The following NR2C2 variants were observed in gnomAD, a reference collection of about 807,000 sequenced individuals.
The protein encoded by NR2C2 is nuclear receptor subfamily 2 group C member 2.
NR2C2 carries 6 observed loss-of-function variants against 62.9 expected under a neutral mutation model. The ratio of observed to expected loss-of-function variants is 0.10; its 90% CI spans 0.05 to 0.19. NR2C2 has a LOEUF of 0.19. Ranked by LOEUF, NR2C2 falls within the 10% of genes least tolerant of loss-of-function variation. NR2C2 has a pLI of 1.00. For synonymous variants in NR2C2, 272 were observed against 273.8 expected (o/e 0.99, Z 0.07); for missense variants, 479 against 762.7 (o/e 0.63, Z 4.38).
At position 15,046,980 on chromosome 3, in the gene NR2C2, C is replaced by A. The variant is rs2042476654; in HGVS notation, c.*3972C>A. The A allele has an allele frequency of 6.6e-6, 1 of 152,660 alleles. No homozygotes were observed. The highest frequency in any genetic ancestry group is 6.5e-5 in the Admixed American group (1 of 15,282). 9.5% of individuals were successfully genotyped at this position (152,660 alleles called of 1,614,324 possible). ...ATTGTGTGCCTCCCACCAGCGTGCA[C>A]TTCGTATGTCCAGCCCTGGGTCCCT... On this transcript the variant is annotated 3_prime_UTR_variant, in exon 14 of 14. Transcript: ENST00000425241.
chr3:14,948,681 G>C (rs929118615), intron 1 of NR2C2: 1 of 152,756 alleles, frequency 6.5e-6, no homozygotes, highest in Admixed American at 6.5e-5. Context: ...GCTTCCCTCC[G>C]CCTGGAACGC....
At chr3:14,950,260 G>C (rs185677402) in intron 1 of NR2C2, among the ~76,000 whole-genome samples, 184 of 152,004 alleles carry the variant, frequency 1.2e-3, no homozygotes, top group South Asian at 1.7e-3. Context: ...ATGGCATCCA[G>C]GACAAAAGTT....
intron 1 of NR2C2, among the ~76,000 whole-genome samples, chr3:15,003,569 C>T (rs990555096): frequency 6.6e-6 from 1 of 152,188 alleles, no homozygotes; most frequent in Non-Finnish European, 1.5e-5. Context: ...ATTCAAAGAT[C>T]ATCTTTAAAA....
At chr3:14,999,702 T>A (rs1476064134) in intron 1 of NR2C2, among the ~76,000 whole-genome samples, 1 of 152,074 alleles carries the variant, frequency 6.6e-6, no homozygotes, top group Non-Finnish European at 1.5e-5. Flanking sequence ...AAGGTAGGTG[T>A]CCAGATTTGT....
At chr3:15,017,210 T>G (rs1407910909) in intron 4 of NR2C2, among the ~76,000 whole-genome samples, 2 of 152,146 alleles carry the variant, frequency 1.3e-5, no homozygotes, top group Non-Finnish European at 2.9e-5. Flanking sequence ...CAGTTTCCCT[T>G]CCATGCTGGT....
intron 9 of NR2C2, 27 bp from the exon 10 acceptor site, chr3:15,032,352 C>T (rs1447045030): frequency 2.5e-6 from 4 of 1,614,076 alleles, no homozygotes; most frequent in Non-Finnish European, 2.5e-6. Context: ...CCTTCACCTC[C>T]TGTGCCATGT....
At position 15,043,252 on chromosome 3, in the gene NR2C2, A is replaced by G. The variant is rs2042333708; in HGVS notation, c.*244A>G. ...AGATTTTGGAACAATCTTTTAACTC[A>G]ATTTGTATTTAGAAATTCTCAAAGG... is the stretch of plus-strand genomic sequence containing the variant. On this transcript the variant is annotated 3_prime_UTR_variant, in exon 14 of 14. Transcript: ENST00000425241. 3.0e-6 allele frequency: 1 copy of G among 334,398 alleles called. No individual in the cohort carries two copies. Among genetic ancestry groups the G allele is most frequent in the African/African-American group, 2.1e-5 (1 of 47,096 alleles). The allele number at this position is 334,398 out of a possible 1,614,324, so 20.7% of individuals were successfully genotyped here.
intron 2 of NR2C2, chr3:15,004,418 A>C: frequency 2.7e-6 from 2 of 748,454 alleles, no homozygotes; most frequent in Non-Finnish European, 4.0e-6. Flanking sequence ...ATGAAGAATC[A>C]AAGGGATATT....
At position 14,992,920 on chromosome 3, in the gene NR2C2, G is replaced by T. The variant is rs117893099; in HGVS notation, c.-39-10956G>T. ...CTAACCAAGGTATAACACACACCTG[G>T]GTGTTGTCAGGCATTTATACAGTGT... On this transcript the variant is annotated intron_variant, in intron 1 of 13. Transcript: ENST00000425241. Among the ~76,000 whole-genome samples, 255 of 152,262 alleles carry T rather than the reference G, an allele frequency of 1.7e-3. 7 individuals are homozygous for T. The East Asian group carries it at 0.046, about 28-fold the overall frequency.
At chr3:14,953,146 C>T (rs2039418251) in intron 1 of NR2C2, among the ~76,000 whole-genome samples, 2 of 151,232 alleles carry the variant, frequency 1.3e-5, no homozygotes, top group South Asian at 2.1e-4. Context: ...TCCAGTTGGC[C>T]TGTAATGATG....
intron 8 of NR2C2, among the ~76,000 whole-genome samples, chr3:15,030,017 G>A (rs1466279165): frequency 6.6e-6 from 1 of 152,114 alleles, no homozygotes; most frequent in Admixed American, 6.5e-5. Flanking sequence ...ATGATGTGTA[G>A]ATAATACATA....
At chr3:14,969,937 G>A (rs1287636657) in intron 1 of NR2C2, among the ~76,000 whole-genome samples, 1 of 152,172 alleles carries the variant, frequency 6.6e-6, no homozygotes, top group African/African-American at 2.4e-5. Context: ...GTGTCCTCAA[G>A]GAGGGAAAAG....
rs573162844 is a variant in NR2C2 at position 14,949,216 on chromosome 3, A to G, written c.-40+1310A>G. ...AATAGACAAATAATTCCAGAGAGTC[A>G]TAAGTTCTGTGAAAGAAAAGAAGCC... On this transcript the variant is annotated intron_variant, in intron 1 of 13. Coordinates refer to ENST00000425241, the MANE Select transcript of NR2C2 (RefSeq NM_001291694.2). Among the ~76,000 whole-genome samples, 6 of 152,360 alleles carry G rather than the reference A, an allele frequency of 3.9e-5. 1 individual carries two copies. The highest frequency in any genetic ancestry group is 9.6e-5 in the African/African-American group (4 of 41,580).
intron 1 of NR2C2, among the ~76,000 whole-genome samples, chr3:14,951,754 G>GT (rs146614442): frequency 0.041 from 6,178 of 150,396 alleles, 435 homozygotes; most frequent in African/African-American, 0.14. Context: ...TTTTTTGTGT[G>GT]TTTTTTTTTG....
intron 5 of NR2C2, among the ~76,000 whole-genome samples, chr3:15,021,217 TC>T (rs944449623): frequency 5.3e-5 from 8 of 152,122 alleles, no homozygotes; most frequent in African/African-American, 1.7e-4. Context: ...TGATACCAAA[TC>T]TACCTCCAGG....
chr3:14,992,582 G>A (rs1239489290), intron 1 of NR2C2, among the ~76,000 whole-genome samples: 1 of 152,210 alleles, frequency 6.6e-6, no homozygotes, highest in Non-Finnish European at 1.5e-5. Flanking sequence ...GTTCTGTGGA[G>A]AGTACTAAGG....
At chr3:14,992,164 A>T (rs1449004667) in intron 1 of NR2C2, among the ~76,000 whole-genome samples, 1 of 152,126 alleles carries the variant, frequency 6.6e-6, no homozygotes, top group African/African-American at 2.4e-5. Flanking sequence ...TTCCTTATAA[A>T]ACAAACAAAC....
chr3:15,016,767 G>C (rs773817541), intron 4 of NR2C2, among the ~76,000 whole-genome samples: 5 of 152,174 alleles, frequency 3.3e-5, no homozygotes, highest in Non-Finnish European at 5.9e-5. Context: ...GTACATGTTG[G>C]TTGGAGCAGG....
At chr3:14,977,724 G>A (rs2040246825) in intron 1 of NR2C2, among the ~76,000 whole-genome samples, 1 of 152,028 alleles carries the variant, frequency 6.6e-6, no homozygotes, top group African/African-American at 2.4e-5. Flanking sequence ...TAGCACTTTG[G>A]GAGGCCGAGG....
Sources: gnomAD v4.1 joint callset for allele counts (sites outside exome capture counted in the v4.1 genomes callset) on GRCh38, gnomAD v4.1.1 for gene constraint, MANE v1.5 for transcripts, NCBI Gene and HGNC (gene_info 2026-07-23, HGNC 2026-07-21) for gene names.